Variants in DLGAP2 observed in about 807,000 individuals in gnomAD.
DLGAP2 encodes the protein disks large-associated protein 2.
DLGAP2 carries 26 observed loss-of-function variants against 100.3 expected under a neutral mutation model. That is an observed-to-expected ratio of 0.26 (90% CI 0.19 to 0.36). The LOEUF (loss-of-function observed/expected upper bound fraction) is 0.36, where lower values mean the gene tolerates loss of function less well. Among genes scored for constraint, DLGAP2 ranks in the 10% least tolerant of loss-of-function variants. The pLI is 1.00. For synonymous variants in DLGAP2, 886 were observed against 630.1 expected (o/e 1.41, Z -6.08); for missense variants, 1,858 against 1,453.2 (o/e 1.28, Z -4.53).
intron 3 of DLGAP2, among the ~76,000 whole-genome samples, chr8:1,312,940 C>T (rs116869824): frequency 4.8e-4 from 73 of 152,294 alleles, no homozygotes; most frequent in Non-Finnish European, 8.7e-4. Flanking sequence ...GCCCTACGTG[C>T]GGTATGGCCT....
At chr8:1,458,681 A>G (rs1798387829) in intron 3 of DLGAP2, among the ~76,000 whole-genome samples, 2 of 152,222 alleles carry the variant, frequency 1.3e-5, no homozygotes, top group South Asian at 4.1e-4. Context: ...GTTGCAGGAC[A>G]GGGCTCAGAG....
chr8:835,614 G>C (rs888700948), intron 1 of DLGAP2, among the ~76,000 whole-genome samples: 7 of 152,228 alleles, frequency 4.6e-5, no homozygotes, highest in Admixed American at 2.6e-4. Flanking sequence ...TCTCTCCGCA[G>C]TGCAGGTTTT....
intron 3 of DLGAP2, among the ~76,000 whole-genome samples, chr8:1,288,723 G>A (rs924283302): frequency 7.7e-5 from 11 of 141,992 alleles, no homozygotes; most frequent in Non-Finnish European, 1.4e-4. Context: ...AACTTGTTTC[G>A]TTTCAGTGTG....
intron 6 of DLGAP2, among the ~76,000 whole-genome samples, chr8:1,624,487 T>A (rs890693458): frequency 2.0e-5 from 3 of 151,764 alleles, no homozygotes; most frequent in African/African-American, 7.3e-5. Flanking sequence ...CCAGCAGTGG[T>A]CTCTTACAGA....
At chr8:1,605,358 G>C (rs1467519317) in intron 6 of DLGAP2, among the ~76,000 whole-genome samples, 1 of 152,132 alleles carries the variant, frequency 6.6e-6, no homozygotes, top group African/African-American at 2.4e-5. Context: ...GATACAGCAG[G>C]GCTCTCAGAG....
intron 3 of DLGAP2, among the ~76,000 whole-genome samples, chr8:1,282,510 G>A (rs1382330301): frequency 1.7e-5 from 2 of 119,216 alleles, no homozygotes; most frequent in Non-Finnish European, 3.5e-5. Flanking sequence ...CCATCCAGAC[G>A]TGGTGTGACC....
intron 4 of DLGAP2, among the ~76,000 whole-genome samples, chr8:1,533,793 C>A (rs2130463700): frequency 6.6e-6 from 1 of 152,018 alleles, no homozygotes; most frequent in Middle Eastern, 3.4e-3. Flanking sequence ...CCTGTCTCTA[C>A]AAAAAAATTA....
chr8:1,366,093 A>G (rs893189431), intron 3 of DLGAP2, among the ~76,000 whole-genome samples: 2 of 152,248 alleles, frequency 1.3e-5, no homozygotes, highest in African/African-American at 4.8e-5. Flanking sequence ...GTGCACCCGA[A>G]GGCCAGACAC....
At chr8:1,314,255 C>G (rs918447192) in intron 3 of DLGAP2, among the ~76,000 whole-genome samples, 4 of 152,154 alleles carry the variant, frequency 2.6e-5, no homozygotes, top group African/African-American at 7.2e-5. Context: ...GAGTTAGACA[C>G]GTGAAATACT....
intron 3 of DLGAP2, among the ~76,000 whole-genome samples, chr8:1,457,658 A>T (rs1584923626): frequency 6.6e-6 from 1 of 152,060 alleles, no homozygotes; most frequent in Non-Finnish European, 1.5e-5. Flanking sequence ...ATTTTTCCTC[A>T]CTATGTTAAT....
chr8:1,462,778 C>T (rs1685929900), intron 3 of DLGAP2, among the ~76,000 whole-genome samples: 1 of 152,216 alleles, frequency 6.6e-6, no homozygotes, highest in Admixed American at 6.5e-5. Flanking sequence ...GCCTCCTGAA[C>T]AAGCCTCATC....
chr8:1,032,296 G>A (rs887842762), intron 2 of DLGAP2, among the ~76,000 whole-genome samples: 6 of 152,192 alleles, frequency 3.9e-5, no homozygotes, highest in Admixed American at 6.5e-5. Flanking sequence ...CGGGCAGCCT[G>A]GGTCACAGCT....
chr8:1,672,587 GA>G (rs1700866196), intron 10 of DLGAP2, among the ~76,000 whole-genome samples: 1 of 152,200 alleles, frequency 6.6e-6, no homozygotes, highest in South Asian at 2.1e-4. Flanking sequence ...GGGCAGCCTG[GA>G]AAAGACTCTG....
At chr8:1,695,226 C>G (rs1417356387) in intron 13 of DLGAP2, among the ~76,000 whole-genome samples, 2 of 150,962 alleles carry the variant, frequency 1.3e-5, no homozygotes, top group Non-Finnish European at 3.0e-5. Context: ...GAAAGAGGGG[C>G]ACAGCCATGA....
intron 2 of DLGAP2, among the ~76,000 whole-genome samples, chr8:1,173,381 G>T (rs1322898621): frequency 6.6e-6 from 1 of 152,194 alleles, no homozygotes; most frequent in African/African-American, 2.4e-5. Flanking sequence ...ATCTCCAGCT[G>T]TGTGCTAGGA....
intron 2 of DLGAP2, among the ~76,000 whole-genome samples, chr8:975,131 T>TA (rs1800130593): frequency 1.3e-5 from 2 of 152,132 alleles, no homozygotes; most frequent in Non-Finnish European, 2.9e-5. Context: ...GTCCAAGAAT[T>TA]TGATAACCTG....
chr8:962,476 G>A (rs537201943), intron 2 of DLGAP2, among the ~76,000 whole-genome samples: 16 of 152,302 alleles, frequency 1.1e-4, no homozygotes, highest in Admixed American at 2.0e-4. Flanking sequence ...TGGCCGTGGG[G>A]CGCTGCTGGG....
At chr8:1,431,525 C>CCAG (rs1345380858) in intron 3 of DLGAP2, among the ~76,000 whole-genome samples, 1 of 152,242 alleles carries the variant, frequency 6.6e-6, no homozygotes, top group Non-Finnish European at 1.5e-5. Context: ...GAAGAGGCAG[C>CCAG]CAGCTGCCTG....
rs3080806 is a variant in DLGAP2 at position 1,135,503 on chromosome 8, G to GTTTTTTTT, written c.74-123331_74-123324dup. Among the ~76,000 whole-genome samples, 111 of 92,234 alleles carry GTTTTTTTT rather than the reference G, an allele frequency of 1.2e-3. 1 individual carries two copies. Among genetic ancestry groups the GTTTTTTTT allele is most frequent in the Non-Finnish European group, 1.4e-3 (72 of 51,154 alleles). 60.5% of individuals were successfully genotyped at this position (92,234 alleles called of 152,430 possible). On this transcript the variant is annotated intron_variant, in intron 2 of 14. Transcript: ENST00000637795. ...GGATCCTAGAAGGGTTTTTTTGTGG[G>GTTTTTTTT]TTTTTTTTTTTTTTTTTTTTTTTTG...
Sources: gnomAD v4.1 joint callset for allele counts (sites outside exome capture counted in the v4.1 genomes callset) on GRCh38, gnomAD v4.1.1 for gene constraint, MANE v1.5 for transcripts, NCBI Gene and HGNC (gene_info 2026-07-23, HGNC 2026-07-21) for gene names.